Variants in JAZF1 observed in about 807,000 individuals in gnomAD.
JAZF1 encodes the protein JAZF zinc finger 1.
Under a neutral mutation model 26.4 loss-of-function variants are expected in JAZF1, and 8 were observed. The observed-to-expected ratio is 0.30, with a 90% CI of 0.18 to 0.55. JAZF1 has a LOEUF of 0.55. JAZF1 is among the 20% of genes least tolerant of loss of function. The pLI is 0.94. For missense variants in JAZF1, 199 were observed against 322.0 expected, an observed-to-expected ratio of 0.62 and a Z score of 2.92; for synonymous variants, 126 against 122.3, an observed-to-expected ratio of 1.03 and a Z score of -0.20.
intron 1 of JAZF1, among the ~76,000 whole-genome samples, chr7:28,011,088 G>A (rs1463932757): frequency 6.6e-6 from 1 of 152,202 alleles, no homozygotes; most frequent in Non-Finnish European, 1.5e-5. Context: ...CTTGAAAGAT[G>A]TAATTATTGC....
chr7:27,925,647 G>C (rs578003489), intron 2 of JAZF1, among the ~76,000 whole-genome samples: 1 of 151,956 alleles, frequency 6.6e-6, no homozygotes, highest in South Asian at 2.1e-4. Flanking sequence ...GCCTGGTCTC[G>C]AACTCCCAGC....
intron 1 of JAZF1, among the ~76,000 whole-genome samples, chr7:28,090,794 A>G (rs28394131): frequency 0.071 from 9,071 of 127,246 alleles, 522 homozygotes; most frequent in African/African-American, 0.17. Flanking sequence ...TTTTTTTTCT[A>G]TTCCACAGAC....
chr7:27,847,999 C>A (rs1261696228), intron 3 of JAZF1, among the ~76,000 whole-genome samples: 1 of 152,102 alleles, frequency 6.6e-6, no homozygotes, highest in African/African-American at 2.4e-5. Flanking sequence ...AACTGTGATG[C>A]CTCCAACTTT....
chr7:28,121,962 A>C (rs571008333), intron 1 of JAZF1, among the ~76,000 whole-genome samples: 38 of 152,348 alleles, frequency 2.5e-4, no homozygotes, highest in African/African-American at 7.5e-4. Flanking sequence ...GTTTGGTGCC[A>C]ATGTTCACAT....
At chr7:28,018,659 C>A (rs1270032029) in intron 1 of JAZF1, among the ~76,000 whole-genome samples, 1 of 152,120 alleles carries the variant, frequency 6.6e-6, no homozygotes, top group Non-Finnish European at 1.5e-5. Context: ...ATGCTCTGTA[C>A]CAGTCACATC....
intron 1 of JAZF1, among the ~76,000 whole-genome samples, chr7:28,019,020 A>C (rs1360345064): frequency 6.6e-6 from 1 of 152,204 alleles, no homozygotes. Context: ...TCCAGGTTAC[A>C]TAAGCCCTGT....
intron 1 of JAZF1, among the ~76,000 whole-genome samples, chr7:28,015,111 T>G (rs1782864974): frequency 6.6e-6 from 1 of 151,756 alleles, no homozygotes; most frequent in African/African-American, 2.4e-5. Flanking sequence ...AGTCCCATGC[T>G]AAAAATTCTG....
At chr7:27,854,816 G>A (rs534660694) in intron 3 of JAZF1, among the ~76,000 whole-genome samples, 15 of 152,188 alleles carry the variant, frequency 9.9e-5, no homozygotes, top group African/African-American at 3.6e-4. Flanking sequence ...TTTCAACCTT[G>A]GTGAATCTGA....
chr7:27,896,019 C>T (rs1172179113), intron 2 of JAZF1, among the ~76,000 whole-genome samples: 1 of 152,174 alleles, frequency 6.6e-6, no homozygotes. Flanking sequence ...TAGCACAGGG[C>T]CAGGCCCACC....
intron 2 of JAZF1, among the ~76,000 whole-genome samples, chr7:27,917,594 G>C (rs1784462593): frequency 6.6e-6 from 1 of 152,196 alleles, no homozygotes; most frequent in Admixed American, 6.5e-5. Context: ...AATGAGAACA[G>C]GAGGGAGAGT....
intron 2 of JAZF1, among the ~76,000 whole-genome samples, chr7:27,927,336 T>A (rs984157235): frequency 6.6e-6 from 1 of 152,208 alleles, no homozygotes; most frequent in Admixed American, 6.5e-5. Context: ...ATTGGGAAGG[T>A]CACTTAGGAA....
At chr7:28,017,836 C>T (rs1782923878) in intron 1 of JAZF1, among the ~76,000 whole-genome samples, 1 of 152,160 alleles carries the variant, frequency 6.6e-6, no homozygotes, top group African/African-American at 2.4e-5. Context: ...TGCAGTGGCA[C>T]GATCTCGGTT....
intron 1 of JAZF1, among the ~76,000 whole-genome samples, chr7:28,134,718 A>AT (rs1156664916): frequency 6.6e-5 from 10 of 151,316 alleles, no homozygotes; most frequent in East Asian, 5.8e-4. Flanking sequence ...TGATATATTT[A>AT]TTTTTTTTTA....
In JAZF1 at chr7:27,841,015, ACAC is replaced by A; in HGVS notation, c.386-151_386-149del. ...CACTCCCGGCACCAGGGGACTGCAA[ACAC>A]GGCTATTCCCTTACAACCCTGGAAG... is the stretch of plus-strand genomic sequence containing the variant. On this transcript the variant is annotated intron_variant, in intron 3 of 4. Transcript: ENST00000283928. 3 of 710,036 alleles carry A rather than the reference ACAC, an allele frequency of 4.2e-6. No individual in the cohort carries two copies. The South Asian group carries it at 5.4e-5, about 13-fold the overall frequency. The allele number at this position is 710,036 out of a possible 1,614,324, so 44.0% of individuals were successfully genotyped here.
At chr7:27,999,330 T>C (rs770532196) in intron 1 of JAZF1, among the ~76,000 whole-genome samples, 1 of 152,144 alleles carries the variant, frequency 6.6e-6, no homozygotes, top group Non-Finnish European at 1.5e-5. Flanking sequence ...CCAAGCAGCA[T>C]GCAACACAAA....
intron 1 of JAZF1, among the ~76,000 whole-genome samples, chr7:28,136,342 C>T (rs1162176628): frequency 3.3e-5 from 5 of 152,216 alleles, no homozygotes; most frequent in Non-Finnish European, 7.3e-5. Context: ...ACCCAATACC[C>T]TTATCTCCCA....
chr7:27,873,697 C>A (rs1209424517), intron 3 of JAZF1, among the ~76,000 whole-genome samples: 3 of 152,180 alleles, frequency 2.0e-5, no homozygotes, highest in Non-Finnish European at 4.4e-5. Flanking sequence ...CTCCTAGGAG[C>A]TTTATTTACA....
Position 27,840,001 on chromosome 7 carries a change from G to A in JAZF1, c.555+697C>T, listed in dbSNP as rs1259336251. ...ATTTTGTTTTTTAAAATGCCCTCTA[G>A]ACCCATACTTGACTATTGTGCTGTT... On this transcript the variant is annotated intron_variant, in intron 4 of 4. Transcript: ENST00000283928. This position sits in a 1 kb window ranked among gnomAD's most constrained non-coding sequence, Gnocchi z 5.1. Among the ~76,000 whole-genome samples the A allele has an allele frequency of 6.6e-6, 1 of 152,112 alleles. No individual in the cohort carries two copies. The highest frequency in any genetic ancestry group is 2.4e-5 in the African/African-American group (1 of 41,402).
intron 4 of JAZF1, among the ~76,000 whole-genome samples, chr7:27,835,756 T>A (rs1448441723): frequency 2.0e-5 from 3 of 152,080 alleles, no homozygotes; most frequent in Non-Finnish European, 2.9e-5. Flanking sequence ...CCAGAGGAGC[T>A]CTGAAAAGAT....
Sources: allele counts gnomAD v4.1 joint callset (sites outside exome capture counted in the v4.1 genomes callset), GRCh38; gene constraint gnomAD v4.1.1; non-coding constraint Gnocchi (gnomAD v3.1); transcripts MANE v1.5; gene names NCBI Gene and HGNC (gene_info 2026-07-23, HGNC 2026-07-21).